Variants in IMPG1 observed in about 807,000 individuals in gnomAD.
IMPG1 encodes interphotoreceptor matrix proteoglycan of 150 kDa.
Under a neutral mutation model 92.0 loss-of-function variants are expected in IMPG1, and 85 were observed. The observed-to-expected ratio is 0.92, with a 90% CI of 0.78 to 1.11. The LOEUF is 1.11. Among genes scored for constraint, IMPG1 ranks in the 50% least tolerant of loss-of-function variants. The pLI is 0.00. For missense variants in IMPG1, 1,022 were observed against 956.0 expected (o/e 1.07, Z -0.91); for synonymous variants, 367 against 334.1 (o/e 1.10, Z -1.08).
At chr6:75,955,155 C>T (rs1009334624) in intron 12 of IMPG1, among the ~76,000 whole-genome samples, 1 of 152,092 alleles carries the variant, frequency 6.6e-6, no homozygotes, top group Non-Finnish European at 1.5e-5. Flanking sequence ...TGAAGAAAGT[C>T]AACAGTAGCT....
chr6:75,927,842 C>T (rs529083072), intron 15 of IMPG1, among the ~76,000 whole-genome samples: 2 of 148,028 alleles, frequency 1.4e-5, no homozygotes, highest in South Asian at 4.3e-4. Flanking sequence ...GTCTAAGGAG[C>T]GTCAATTTTT....
intron 12 of IMPG1, among the ~76,000 whole-genome samples, chr6:75,965,972 A>G (rs547920535): frequency 2.3e-3 from 352 of 152,196 alleles, no homozygotes; most frequent in Non-Finnish European, 3.5e-3. Context: ...TTTTCTTCTC[A>G]TCCTCTTAAC....
intron 2 of IMPG1, among the ~76,000 whole-genome samples, chr6:76,035,019 T>C (rs1202085933): frequency 6.7e-6 from 1 of 149,128 alleles, no homozygotes; most frequent in East Asian, 1.9e-4. Context: ...TGTGTGTGCG[T>C]GTGTGTGTGT....
chr6:75,943,428 C>G (rs1487328009), intron 14 of IMPG1, among the ~76,000 whole-genome samples: 3 of 152,146 alleles, frequency 2.0e-5, no homozygotes, highest in Non-Finnish European at 4.4e-5. Flanking sequence ...TTAAAAAGAG[C>G]CTGGCATCAC....
chr6:76,001,986 G>A (rs1052345755), intron 12 of IMPG1, among the ~76,000 whole-genome samples: 1 of 152,158 alleles, frequency 6.6e-6, no homozygotes, highest in Non-Finnish European at 1.5e-5. Flanking sequence ...CAGTGTTTAT[G>A]AGGAAAATAC....
chr6:76,023,301 A>G (rs553464261), intron 5 of IMPG1, among the ~76,000 whole-genome samples: 87 of 152,316 alleles, frequency 5.7e-4, no homozygotes, highest in Non-Finnish European at 1.0e-3. Context: ...ACTTCATCAG[A>G]CTATTACCAA....
intron 12 of IMPG1, among the ~76,000 whole-genome samples, chr6:75,969,477 C>T (rs1164027307): frequency 6.6e-6 from 1 of 152,058 alleles, no homozygotes. Flanking sequence ...CATGGTGGCT[C>T]ATGCCTGTAA....
intron 1 of IMPG1, among the ~76,000 whole-genome samples, chr6:76,070,289 A>G (rs891295400): frequency 6.6e-5 from 10 of 152,204 alleles, no homozygotes; most frequent in African/African-American, 2.4e-4. Context: ...ACTATCTCAC[A>G]TAAGTCAGAA....
chr6:75,924,647 A>ATATATTATAT (rs1388791638), intron 15 of IMPG1, among the ~76,000 whole-genome samples: 3 of 3,400 alleles, frequency 8.8e-4, no homozygotes, highest in Admixed American at 9.6e-3. Flanking sequence ...ATATATAATT[A>ATATATTATAT]ATTATATATA....
chr6:76,032,631 A>G (rs1783670371), intron 4 of IMPG1, among the ~76,000 whole-genome samples: 1 of 152,186 alleles, frequency 6.6e-6, no homozygotes, highest in Non-Finnish European at 1.5e-5. Flanking sequence ...ACAAGTACCA[A>G]ACAGAGTACA....
At chr6:76,023,070 G>T (rs991004798) in intron 5 of IMPG1, among the ~76,000 whole-genome samples, 1 of 152,172 alleles carries the variant, frequency 6.6e-6, no homozygotes. Context: ...TCACTGTGAG[G>T]CTCTGTGAAG....
chr6:75,955,990 G>C (rs1171467303), intron 12 of IMPG1, among the ~76,000 whole-genome samples: 1 of 152,164 alleles, frequency 6.6e-6, no homozygotes, highest in Non-Finnish European at 1.5e-5. Context: ...TGTGCTGCTG[G>C]ATTCAGTTTG....
intron 1 of IMPG1, among the ~76,000 whole-genome samples, chr6:76,062,927 C>A (rs1784230818): frequency 6.7e-6 from 1 of 149,626 alleles, no homozygotes. Flanking sequence ...AGAAAGAAGA[C>A]TTGGGGTGGC....
chr6:75,972,212 A>C (rs1175120868), intron 12 of IMPG1, among the ~76,000 whole-genome samples: 1 of 152,194 alleles, frequency 6.6e-6, no homozygotes, highest in Non-Finnish European at 1.5e-5. Context: ...ACTATATATT[A>C]GCAGTGTCCA....
At chr6:75,988,263 C>T (rs569086911) in intron 12 of IMPG1, among the ~76,000 whole-genome samples, 2 of 152,214 alleles carry the variant, frequency 1.3e-5, no homozygotes, top group Non-Finnish European at 2.9e-5. Flanking sequence ...TCCTATTTCT[C>T]CACATCCTCT....
At chr6:75,975,312 G>C (rs967079300) in intron 12 of IMPG1, among the ~76,000 whole-genome samples, 2 of 152,202 alleles carry the variant, frequency 1.3e-5, no homozygotes, top group African/African-American at 2.4e-5. Context: ...GACATACCTG[G>C]AACAAAGTCA....
chr6:76,059,921 G>A (rs756690137), intron 1 of IMPG1, among the ~76,000 whole-genome samples: 2 of 152,144 alleles, frequency 1.3e-5, no homozygotes, highest in Non-Finnish European at 2.9e-5. Context: ...TTAATTAAAT[G>A]TATCATTTAC....
At chr6:75,939,396 T>G (rs1474746878) in intron 14 of IMPG1, among the ~76,000 whole-genome samples, 1 of 149,992 alleles carries the variant, frequency 6.7e-6, no homozygotes. Flanking sequence ...TTCCCCTTCC[T>G]GTGTCCATGT....
chr6:75,932,025 C>T (rs1781676501), intron 14 of IMPG1, among the ~76,000 whole-genome samples: 2 of 152,320 alleles, frequency 1.3e-5, no homozygotes, highest in South Asian at 4.2e-4. Flanking sequence ...TGTTTCTGCC[C>T]CAGAAGGTCT....
Sources: gnomAD v4.1 joint callset for allele counts (sites outside exome capture counted in the v4.1 genomes callset) on GRCh38, gnomAD v4.1.1 for gene constraint, MANE v1.5 for transcripts, NCBI Gene and HGNC (gene_info 2026-07-23, HGNC 2026-07-21) for gene names.